TNIK: variants seen among roughly 807,000 people sequenced by gnomAD.
TNIK encodes the protein TRAF2 and NCK interacting kinase, also known as TRAF2 and NCK-interacting protein kinase.
A neutral mutation model predicts 191.3 loss-of-function variants in TNIK; 49 were observed. The observed-to-expected ratio is 0.26, with a 90% CI of 0.20 to 0.32. TNIK has a LOEUF of 0.32. Among genes scored for constraint, TNIK ranks in the 10% least tolerant of loss-of-function variants. TNIK has a pLI of 1.00. For missense variants in TNIK, 1,155 were observed against 1,702.3 expected (o/e 0.68, Z 5.66); for synonymous variants, 594 against 600.9 (o/e 0.99, Z 0.17).
Position 171,087,923 on chromosome 3 carries a change from G to A in TNIK, c.2722-417C>T, listed in dbSNP as rs555849894. On this transcript the variant is annotated intron_variant, in intron 23 of 32. Coordinates refer to ENST00000436636, the MANE Select transcript of TNIK (RefSeq NM_015028.4). Reference sequence around the variant, plus strand: ...AAACAAACCCACACAACAGATAAACGACCTAAAGTGTTGCTGAAAAGAAGC... The same window carrying A: ...AAACAAACCCACACAACAGATAAACAACCTAAAGTGTTGCTGAAAAGAAGC... Among the ~76,000 whole-genome samples, 24 of 152,252 alleles carry A rather than the reference G, an allele frequency of 1.6e-4. 1 individual carries two copies. Among genetic ancestry groups the A allele is most frequent in the South Asian group, 1.2e-3 (6 of 4,816 alleles).
chr3:171,297,175 G>A (rs772538027), intron 2 of TNIK, among the ~76,000 whole-genome samples: 5 of 152,242 alleles, frequency 3.3e-5, no homozygotes, highest in Admixed American at 6.5e-5. Context: ...GGGAAAGACC[G>A]GGGGCGGAAG....
intron 19 of TNIK, 28 bp downstream of exon 19, chr3:171,110,686 G>C: frequency 6.4e-7 from 1 of 1,555,274 alleles, no homozygotes; most frequent in Non-Finnish European, 8.7e-7. Flanking sequence ...AGGCAGTATT[G>C]CCAGGTAAAG....
chr3:171,316,649 A>C (rs1372375611), intron 2 of TNIK, among the ~76,000 whole-genome samples: 2 of 152,074 alleles, frequency 1.3e-5, no homozygotes, highest in African/African-American at 4.8e-5. Flanking sequence ...AAACTAGGCT[A>C]TTCTGAGTGC....
intron 18 of TNIK, among the ~76,000 whole-genome samples, chr3:171,122,112 T>C (rs1313727959): frequency 6.6e-6 from 1 of 152,194 alleles, no homozygotes; most frequent in East Asian, 1.9e-4. Flanking sequence ...AAAATAGCAC[T>C]TCAGAGGGAA....
At chr3:171,244,100 G>T (rs555451584) in intron 2 of TNIK, among the ~76,000 whole-genome samples, 2 of 145,626 alleles carry the variant, frequency 1.4e-5, no homozygotes, top group East Asian at 4.0e-4. Flanking sequence ...TCGCTCTGTC[G>T]CCCGCCGGGG....
intron 2 of TNIK, among the ~76,000 whole-genome samples, chr3:171,359,135 C>T (rs147088884): frequency 4.6e-5 from 7 of 152,080 alleles, no homozygotes; most frequent in Admixed American, 1.3e-4. Context: ...GTACGTTCTA[C>T]GATAAGAGAA....
intron 2 of TNIK, among the ~76,000 whole-genome samples, chr3:171,355,018 G>A (rs1021186482): frequency 6.6e-6 from 1 of 152,010 alleles, no homozygotes; most frequent in Non-Finnish European, 1.5e-5. Flanking sequence ...CCCATCCCCT[G>A]TGAACACTGG....
At chr3:171,179,576 C>T (rs990094881) in intron 7 of TNIK, among the ~76,000 whole-genome samples, 21 of 152,082 alleles carry the variant, frequency 1.4e-4, no homozygotes, top group Admixed American at 2.6e-4. Context: ...CTCAGCCTCC[C>T]GAGTAGCTGG....
chr3:171,292,139 T>C (rs1229182788), intron 2 of TNIK, among the ~76,000 whole-genome samples: 8 of 152,220 alleles, frequency 5.3e-5, no homozygotes, highest in Non-Finnish European at 1.0e-4. Context: ...TGTACAAGAA[T>C]ATTTTCCTTT....
At chr3:171,161,373 A>T (rs758607117) in intron 10 of TNIK, 37 bp from the exon 11 acceptor site, 1 of 1,598,500 alleles carries the variant, frequency 6.3e-7, no homozygotes, top group African/African-American at 1.3e-5. Flanking sequence ...GCACAAAAAG[A>T]TGCTATGGCT....
chr3:171,175,052 G>A (rs1304154064), intron 9 of TNIK, among the ~76,000 whole-genome samples, 200 bp downstream of exon 9: 1 of 152,128 alleles, frequency 6.6e-6, no homozygotes, highest in Non-Finnish European at 1.5e-5. Context: ...AAAGGTGGGG[G>A]AATAAAGACC....
intron 2 of TNIK, among the ~76,000 whole-genome samples, chr3:171,318,124 C>A (rs1369202148): frequency 1.3e-5 from 2 of 152,234 alleles, no homozygotes; most frequent in South Asian, 2.1e-4. Flanking sequence ...TGCTTCTATA[C>A]CTCAGTGTAG....
intron 1 of TNIK, among the ~76,000 whole-genome samples, chr3:171,450,815 C>T (rs569777075): frequency 1.6e-4 from 25 of 152,266 alleles, no homozygotes; most frequent in African/African-American, 5.8e-4. Context: ...CAACATTTAT[C>T]ATGTGCCAGA....
chr3:171,338,139 C>G (rs1299507291), intron 2 of TNIK, among the ~76,000 whole-genome samples: 1 of 151,920 alleles, frequency 6.6e-6, no homozygotes, highest in African/African-American at 2.4e-5. Context: ...TCTTATGGCT[C>G]CCCACTCCAA....
intron 22 of TNIK, among the ~76,000 whole-genome samples, chr3:171,097,095 G>A (rs932681672): frequency 6.6e-6 from 1 of 152,102 alleles, no homozygotes; most frequent in African/African-American, 2.4e-5. Context: ...GAACTTTACA[G>A]GAAAAAGAGT....
rs749734562 is a variant in TNIK, at chr3:171,182,167, ATTTTTTTTTTTTTTTT to A, written c.640-4803_640-4788del. On this transcript the variant is annotated intron_variant, in intron 7 of 32. Transcript: ENST00000436636. ...GCCTTCATTTGATATCATTGTTAGG[ATTTTTTTTTTTTTTTT>A]TTTTTTTTTTTTGGCTGGGGTTCTC... Among the ~76,000 whole-genome samples, 4 of 65,626 alleles carry A rather than the reference ATTTTTTTTTTTTTTTT, an allele frequency of 6.1e-5. No homozygotes were observed. In the South Asian group the frequency reaches 1.9e-3, roughly 32 times the overall value. 43.1% of individuals were successfully genotyped at this position (65,626 alleles called of 152,430 possible).
chr3:171,071,674 T>TC (rs1358889967), intron 28 of TNIK, among the ~76,000 whole-genome samples: 1 of 152,166 alleles, frequency 6.6e-6, no homozygotes, highest in Non-Finnish European at 1.5e-5. Context: ...GCTTTTACGT[T>TC]CACCCATATT....
intron 21 of TNIK, among the ~76,000 whole-genome samples, chr3:171,105,621 G>A (rs1029781300): frequency 2.6e-5 from 4 of 152,056 alleles, no homozygotes; most frequent in Non-Finnish European, 4.4e-5. Flanking sequence ...TTGTAATTAC[G>A]TATACCTCCA....
At chr3:171,184,404 A>T (rs1737106697) in intron 7 of TNIK, among the ~76,000 whole-genome samples, 1 of 152,188 alleles carries the variant, frequency 6.6e-6, no homozygotes, top group Non-Finnish European at 1.5e-5. Flanking sequence ...AAAATATTAG[A>T]ATAGCTCACT....
Sources: gnomAD v4.1 joint callset for allele counts (sites outside exome capture counted in the v4.1 genomes callset) on GRCh38, gnomAD v4.1.1 for gene constraint, MANE v1.5 for transcripts, NCBI Gene and HGNC (gene_info 2026-07-23, HGNC 2026-07-21) for gene names.